FAF1: variants seen among roughly 807,000 people sequenced by gnomAD.
The protein encoded by FAF1 is Fas associated factor 1, also known as FAS-associated factor 1.
In FAF1, 25 loss-of-function variants were observed where a neutral mutation model predicts 92.5. The observed-to-expected ratio is 0.27, with a 90% confidence interval of 0.20 to 0.38. FAF1 has a LOEUF of 0.38. Among genes scored for constraint, FAF1 ranks in the 10% least tolerant of loss-of-function variants. FAF1 has a pLI of 1.00. For synonymous variants in FAF1, 234 were observed against 273.2 expected, an observed-to-expected ratio of 0.86 and a Z score of 1.42; for missense variants, 636 against 793.3, an observed-to-expected ratio of 0.80 and a Z score of 2.38.
At chr1:50,705,295 T>C (rs1005133147) in intron 7 of FAF1, among the ~76,000 whole-genome samples, 1 of 152,236 alleles carries the variant, frequency 6.6e-6, no homozygotes, top group African/African-American at 2.4e-5. Flanking sequence ...TCTTCTCATA[T>C]TCTAAGCTAA....
intron 4 of FAF1, among the ~76,000 whole-genome samples, chr1:50,785,025 T>A (rs568284113): frequency 6.6e-6 from 1 of 150,674 alleles, no homozygotes; most frequent in African/African-American, 2.4e-5. Flanking sequence ...ACAAACATCA[T>A]CTCATGGTAT....
At chr1:50,536,156 T>C (rs1267622786) in intron 14 of FAF1, among the ~76,000 whole-genome samples, 3 of 152,232 alleles carry the variant, frequency 2.0e-5, no homozygotes, top group African/African-American at 7.2e-5. Context: ...TTTCAGCTGC[T>C]TTTAAATGAT....
At chr1:50,754,278 T>C (rs1156913462) in intron 4 of FAF1, among the ~76,000 whole-genome samples, 3 of 152,230 alleles carry the variant, frequency 2.0e-5, no homozygotes, top group Admixed American at 1.3e-4. Flanking sequence ...TTAGACACAA[T>C]TTAATCCTTT....
chr1:50,924,972 A>G lies in FAF1; in HGVS notation c.45+34795T>C, dbSNP rs181578747. Among the ~76,000 whole-genome samples the G allele has an allele frequency of 7.5e-3, 1,146 of 152,308 alleles. 11 individuals are homozygous for G. Among genetic ancestry groups the G allele is most frequent in the Non-Finnish European group, 8.4e-3 (574 of 68,032 alleles). On this transcript the variant is annotated intron_variant, in intron 1 of 18. Transcript: ENST00000396153. ...CACTCCAGCCTGGGTGACAAGAATG[A>G]AACTCCATCTCAAAAAACATAACAA...
At chr1:50,571,353 C>T (rs1304190484) in intron 12 of FAF1, among the ~76,000 whole-genome samples, 1 of 152,148 alleles carries the variant, frequency 6.6e-6, no homozygotes, top group Non-Finnish European at 1.5e-5. Flanking sequence ...TAACAGAGAG[C>T]TCTGTTCTAA....
At chr1:50,888,302 T>C (rs964176763) in intron 1 of FAF1, among the ~76,000 whole-genome samples, 3 of 152,200 alleles carry the variant, frequency 2.0e-5, no homozygotes, top group African/African-American at 7.2e-5. Flanking sequence ...TTTCTAAATA[T>C]ACAATCATGT....
At chr1:50,760,812 G>A (rs985086935) in intron 4 of FAF1, among the ~76,000 whole-genome samples, 14 of 152,142 alleles carry the variant, frequency 9.2e-5, no homozygotes, top group East Asian at 1.9e-4. Context: ...TCAAAAGCCA[G>A]CAGAAGGCAA....
At chr1:50,830,379 G>C (rs1644141563) in intron 2 of FAF1, among the ~76,000 whole-genome samples, 2 of 152,154 alleles carry the variant, frequency 1.3e-5, no homozygotes, top group Admixed American at 1.3e-4. Context: ...CAAAGTGCTG[G>C]GATTACAGGC....
chr1:50,685,912 A>G (rs962063496), intron 7 of FAF1, among the ~76,000 whole-genome samples: 1 of 152,218 alleles, frequency 6.6e-6, no homozygotes, highest in Non-Finnish European at 1.5e-5. Flanking sequence ...TTTCTAATGG[A>G]TCTCAACTAG....
intron 6 of FAF1, among the ~76,000 whole-genome samples, chr1:50,733,494 G>A (rs1229362454): frequency 1.3e-5 from 2 of 152,162 alleles, no homozygotes; most frequent in South Asian, 2.1e-4. Flanking sequence ...CACTGTGACT[G>A]TACTTGGAGA....
intron 2 of FAF1, among the ~76,000 whole-genome samples, chr1:50,824,683 A>T (rs1644078686): frequency 6.6e-6 from 1 of 152,194 alleles, no homozygotes; most frequent in Non-Finnish European, 1.5e-5. Context: ...CAGCCAAGAT[A>T]TGAAATCAAC....
chr1:50,904,404 T>G (rs563853556), intron 1 of FAF1, among the ~76,000 whole-genome samples: 1 of 152,170 alleles, frequency 6.6e-6, no homozygotes, highest in African/African-American at 2.4e-5. Context: ...GAGTTTCAGT[T>G]TGAGAAGACG....
At chr1:50,779,346 C>T (rs935922913) in intron 4 of FAF1, among the ~76,000 whole-genome samples, 1 of 152,140 alleles carries the variant, frequency 6.6e-6, no homozygotes, top group African/African-American at 2.4e-5. Context: ...AATGGTGAGT[C>T]CTTTCCAGAT....
At chr1:50,608,771 C>A (rs1237492495) in intron 8 of FAF1, among the ~76,000 whole-genome samples, 1 of 152,172 alleles carries the variant, frequency 6.6e-6, no homozygotes, top group African/African-American at 2.4e-5. Flanking sequence ...GGTATAAAAG[C>A]AGAGCAATTA....
At chr1:50,456,643 T>A (rs1646356089) in intron 18 of FAF1, among the ~76,000 whole-genome samples, 3 of 152,218 alleles carry the variant, frequency 2.0e-5, no homozygotes, top group Non-Finnish European at 4.4e-5. Context: ...TACACAAGTA[T>A]TTTCGGAGTG....
At chr1:50,930,286 CCTCA>C (rs1645037909) in intron 1 of FAF1, among the ~76,000 whole-genome samples, 1 of 152,100 alleles carries the variant, frequency 6.6e-6, no homozygotes, top group Non-Finnish European at 1.5e-5. Context: ...AAGCAGGTGA[CCTCA>C]GGAGAGTTCT....
chr1:50,927,350 G>A (rs1570149758), intron 1 of FAF1, among the ~76,000 whole-genome samples: 1 of 152,200 alleles, frequency 6.6e-6, no homozygotes, highest in African/African-American at 2.4e-5. Flanking sequence ...GGAGGCCGAG[G>A]CGGGTGGGTC....
intron 1 of FAF1, among the ~76,000 whole-genome samples, chr1:50,951,509 G>A (rs1433468921): frequency 6.6e-6 from 1 of 152,188 alleles, no homozygotes; most frequent in African/African-American, 2.4e-5. Flanking sequence ...GGGGTGTGAG[G>A]TGATTGGTCA....
intron 1 of FAF1, among the ~76,000 whole-genome samples, chr1:50,909,837 G>A (rs754309114): frequency 5.9e-5 from 9 of 152,058 alleles, no homozygotes; most frequent in East Asian, 1.9e-4. Flanking sequence ...CCTTTAGCTC[G>A]GAGAAGTTTG....
Sources: gnomAD v4.1 joint callset for allele counts (sites outside exome capture counted in the v4.1 genomes callset) on GRCh38, gnomAD v4.1.1 for gene constraint, MANE v1.5 for transcripts, NCBI Gene and HGNC (gene_info 2026-07-23, HGNC 2026-07-21) for gene names.